The following PALLD variants were observed in gnomAD, a reference collection of about 807,000 sequenced individuals.
The protein encoded by PALLD is palladin, cytoskeletal associated protein.
In PALLD, 61 loss-of-function variants were observed where a neutral mutation model predicts 123.5. The observed-to-expected ratio is 0.49, with a 90% CI of 0.40 to 0.61. PALLD has a LOEUF of 0.61. PALLD is among the 20% of genes least tolerant of loss of function. The pLI, the probability that PALLD is intolerant of heterozygous loss-of-function variation, is 0.00. For synonymous variants in PALLD, 465 were observed against 496.4 expected, an observed-to-expected ratio of 0.94 and a Z score of 0.84; for missense variants, 1,273 against 1,377.0, an observed-to-expected ratio of 0.92 and a Z score of 1.20.
chr4:168,676,941 G>T (rs1266063070), intron 3 of PALLD, among the ~76,000 whole-genome samples: 1 of 152,060 alleles, frequency 6.6e-6, no homozygotes, highest in Non-Finnish European at 1.5e-5. Flanking sequence ...TCATTTTTGT[G>T]ACATTTCCAC....
At chr4:168,585,301 AGTGTGT>A (rs3036319) in intron 2 of PALLD, among the ~76,000 whole-genome samples, 116 of 150,166 alleles carry the variant, frequency 7.7e-4, no homozygotes, top group African/African-American at 1.9e-3. Context: ...TATGAGTGTG[AGTGTGT>A]GTGTGTGTGT....
intron 10 of PALLD, among the ~76,000 whole-genome samples, chr4:168,804,300 A>G (rs868294765): frequency 1.3e-5 from 2 of 152,250 alleles, no homozygotes; most frequent in Admixed American, 6.5e-5. Flanking sequence ...TTTGCCCACA[A>G]GTTGGTATAG....
intron 10 of PALLD, among the ~76,000 whole-genome samples, chr4:168,882,242 G>T (rs1323795611): frequency 2.0e-5 from 3 of 152,152 alleles, no homozygotes; most frequent in African/African-American, 7.2e-5. Context: ...ATAGGAAACG[G>T]GTAGGTGGGG....
Position 168,903,911 on chromosome 4 carries a change from A to AGAAGGGT in PALLD, c.2622+6_2622+12dup, listed in dbSNP as rs1380739715. On this transcript the variant is annotated splice_donor_region_variant and intron_variant, in intron 15 of 21. Transcript: ENST00000505667. ...ATTATGGCTGCAAACCCTCAGGTAA[A>AGAAGGGT]GAAGGGTATAGGTCTGGGCTCAGTT... The AGAAGGGT allele has an allele frequency of 6.2e-7, 1 of 1,613,320 alleles. No individual in the cohort carries two copies.
chr4:168,866,023 T>A (rs1009743424), intron 10 of PALLD, among the ~76,000 whole-genome samples: 1 of 151,788 alleles, frequency 6.6e-6, no homozygotes, highest in Non-Finnish European at 1.5e-5. Context: ...CTCACACCTG[T>A]AATCCCAGCA....
At chr4:168,503,420 C>T (rs940895841) in intron 1 of PALLD, among the ~76,000 whole-genome samples, 2 of 151,974 alleles carry the variant, frequency 1.3e-5, no homozygotes, top group Non-Finnish European at 2.9e-5. Flanking sequence ...GAGGCCAAGG[C>T]GGGTGGATGA....
chr4:168,712,122 C>T, intron 10 of PALLD, 199 bp downstream of exon 10: 1 of 617,176 alleles, frequency 1.6e-6, no homozygotes, highest in Non-Finnish European at 2.9e-6. Context: ...TTGGTGAAAT[C>T]TGCCCTTTGC....
intron 17 of PALLD, among the ~76,000 whole-genome samples, chr4:168,917,055 T>G (rs1378847358): frequency 2.0e-5 from 3 of 149,112 alleles, no homozygotes; most frequent in Non-Finnish European, 4.5e-5. Context: ...TGGGGTTTTT[T>G]TTTTTTTTTT....
At chr4:168,631,595 G>C (rs1300541105) in intron 2 of PALLD, 1 of 985,312 alleles carries the variant, frequency 1.0e-6, no homozygotes, top group Non-Finnish European at 1.2e-6. Flanking sequence ...GCGCACACGC[G>C]CCCCTCGGCG....
chr4:168,688,895 C>T (rs897245553), intron 6 of PALLD, among the ~76,000 whole-genome samples: 2 of 152,170 alleles, frequency 1.3e-5, no homozygotes, highest in Non-Finnish European at 2.9e-5. Context: ...GCTTCCTGGA[C>T]AAGCCTAGAG....
At chr4:168,627,986 G>A (rs1393405375) in intron 2 of PALLD, among the ~76,000 whole-genome samples, 1 of 152,232 alleles carries the variant, frequency 6.6e-6, no homozygotes, top group East Asian at 1.9e-4. Flanking sequence ...TGCTGGCAAG[G>A]CCGTGGGGAA....
chr4:168,832,209 A>C, intron 10 of PALLD: 8 of 985,130 alleles, frequency 8.1e-6, no homozygotes, highest in South Asian at 4.7e-5. Flanking sequence ...TGGTGGAAGA[A>C]ATGTGTGAAT....
intron 12 of PALLD, 94 bp downstream of exon 12, chr4:168,894,771 G>C: frequency 6.5e-7 from 1 of 1,545,548 alleles, no homozygotes; most frequent in South Asian, 1.2e-5. Context: ...GAGTTCTGTG[G>C]AAAGTAGAGG....
In PALLD at chr4:168,877,973, G is replaced by A. The variant is rs944279462; in HGVS notation, c.1965-12949G>A. 6 of 1,501,808 alleles carry A rather than the reference G, an allele frequency of 4.0e-6. No homozygotes were observed. The highest frequency in any genetic ancestry group is 2.1e-5 in the Admixed American group (1 of 47,632). 93.0% of individuals were successfully genotyped at this position (1,501,808 alleles called of 1,614,324 possible). A position where few individuals can be genotyped will look rare whatever the true frequency, so the allele number is the denominator to read the frequency against. ...CTACGCGCGCCCCAAGCAGTTCATCGCCGCGCAGAACCTCGGGCCCGCGTC... is the reference window on the plus strand; with the variant it reads ...CTACGCGCGCCCCAAGCAGTTCATCACCGCGCAGAACCTCGGGCCCGCGTC... On this transcript the variant is annotated intron_variant, in intron 10 of 21. Transcript: ENST00000505667.
intron 2 of PALLD, among the ~76,000 whole-genome samples, chr4:168,518,012 A>G (rs1029239520): frequency 8.3e-6 from 1 of 120,436 alleles, no homozygotes; most frequent in Non-Finnish European, 1.7e-5. Context: ...ACTCTTATCA[A>G]ATTTGTCGAA....
intron 10 of PALLD, among the ~76,000 whole-genome samples, chr4:168,797,055 A>G (rs1290493143): frequency 6.6e-6 from 1 of 152,186 alleles, no homozygotes; most frequent in African/African-American, 2.4e-5. Context: ...AGTTGTCTCT[A>G]CTTTCCTTTC....
At chr4:168,501,978 T>C (rs537893628) in intron 1 of PALLD, among the ~76,000 whole-genome samples, 2 of 152,260 alleles carry the variant, frequency 1.3e-5, no homozygotes, top group African/African-American at 2.4e-5. Context: ...AAACCAAGTA[T>C]AAAAAGCTTT....
intron 2 of PALLD, among the ~76,000 whole-genome samples, chr4:168,649,665 C>T (rs1351898266): frequency 6.6e-6 from 1 of 152,118 alleles, no homozygotes; most frequent in Non-Finnish European, 1.5e-5. Context: ...ACCTTGTTTG[C>T]ATAACAACCT....
At chr4:168,838,145 A>G (rs1745462621) in intron 10 of PALLD, among the ~76,000 whole-genome samples, 1 of 152,184 alleles carries the variant, frequency 6.6e-6, no homozygotes, top group Non-Finnish European at 1.5e-5. Context: ...CACTGCTTCT[A>G]CTGCAGCAAG....
Sources: gnomAD v4.1 joint callset for allele counts (sites outside exome capture counted in the v4.1 genomes callset) on GRCh38, gnomAD v4.1.1 for gene constraint, MANE v1.5 for transcripts, NCBI Gene and HGNC (gene_info 2026-07-23, HGNC 2026-07-21) for gene names.